The following OSBPL8 variants were observed in gnomAD, a reference collection of about 807,000 sequenced individuals.
OSBPL8 encodes the protein oxysterol-binding protein-related protein 8.
In OSBPL8, 59 loss-of-function variants were observed where a neutral mutation model predicts 125.5. That is an observed-to-expected ratio of 0.47 (90% CI 0.38 to 0.58). The LOEUF (loss-of-function observed/expected upper bound fraction) is 0.58, where lower values mean the gene tolerates loss of function less well. Ranked by LOEUF, OSBPL8 falls within the 20% of genes least tolerant of loss-of-function variation. The pLI is 0.00. For synonymous variants in OSBPL8, 330 were observed against 338.9 expected (o/e 0.97, Z 0.29); for missense variants, 758 against 1,047.8 (o/e 0.72, Z 3.82).
At chr12:76,507,683 C>T (rs933734671) in intron 1 of OSBPL8, among the ~76,000 whole-genome samples, 10 of 150,946 alleles carry the variant, frequency 6.6e-5, no homozygotes, top group African/African-American at 2.5e-4. Context: ...CTTGGCTGGG[C>T]GTGGTGGTGC....
chr12:76,372,558 A>G (rs1397846861), intron 18 of OSBPL8, among the ~76,000 whole-genome samples: 2 of 151,954 alleles, frequency 1.3e-5, no homozygotes, highest in Non-Finnish European at 2.9e-5. Context: ...AAGGCAATTA[A>G]AAAAAATTTT....
At chr12:76,415,175 G>A (rs769996145) in intron 4 of OSBPL8, among the ~76,000 whole-genome samples, 21 of 152,064 alleles carry the variant, frequency 1.4e-4, no homozygotes, top group Non-Finnish European at 2.1e-4. Context: ...TTCATTTAAC[G>A]GTTGGTAGAA....
At chr12:76,393,710 CAAAAAAAAAAAA>C (rs11423585) in intron 9 of OSBPL8, among the ~76,000 whole-genome samples, 24 of 52,280 alleles carry the variant, frequency 4.6e-4, no homozygotes, top group Non-Finnish European at 5.5e-4. Flanking sequence ...GACTCCGTTT[CAAAAAAAAAAAA>C]AAAAAAAAAA....
At chr12:76,506,833 T>C (rs925854273) in intron 1 of OSBPL8, among the ~76,000 whole-genome samples, 1 of 152,156 alleles carries the variant, frequency 6.6e-6, no homozygotes, top group Non-Finnish European at 1.5e-5. Context: ...ATTTAAATGA[T>C]AATAAATCTG....
intron 1 of OSBPL8, among the ~76,000 whole-genome samples, chr12:76,498,636 A>G (rs553267901): frequency 2.0e-5 from 3 of 151,686 alleles, no homozygotes; most frequent in Non-Finnish European, 4.4e-5. Flanking sequence ...TTTCTTCTCT[A>G]TCAGGTACCA....
chr12:76,387,391 G>A (rs371935220), intron 12 of OSBPL8, among the ~76,000 whole-genome samples: 2 of 152,248 alleles, frequency 1.3e-5, no homozygotes, highest in East Asian at 1.9e-4. Context: ...CTGCTCTTGT[G>A]TGCTATCAAC....
At position 76,539,908 on chromosome 12, in the gene OSBPL8, A is replaced by G. The variant is rs536994890; in HGVS notation, c.-68+19489T>C. On this transcript the variant is annotated intron_variant, in intron 1 of 23. Coordinates refer to ENST00000261183, the MANE Select transcript of OSBPL8 (RefSeq NM_020841.5). ...CATACACATCCCACATCCCCTAAAA[A>G]AGTAGTCTGGATTTTCAGTCAGAAA... Among the ~76,000 whole-genome samples the G allele has an allele frequency of 1.4e-4, 21 of 152,294 alleles. No homozygotes were observed. In the South Asian group the frequency reaches 4.3e-3, roughly 32 times the overall value.
intron 5 of OSBPL8, among the ~76,000 whole-genome samples, chr12:76,409,462 G>C (rs962504087): frequency 2.6e-5 from 4 of 152,012 alleles, no homozygotes; most frequent in African/African-American, 9.7e-5. Context: ...CTGTTCTTTT[G>C]GGTCTTCATT....
intron 3 of OSBPL8, among the ~76,000 whole-genome samples, chr12:76,451,300 T>C (rs1354741092): frequency 2.6e-5 from 4 of 151,918 alleles, no homozygotes; most frequent in Non-Finnish European, 5.9e-5. Flanking sequence ...ATTTATTCTT[T>C]ATATTTACCA....
chr12:76,538,594 T>TA (rs1447022475), intron 1 of OSBPL8, among the ~76,000 whole-genome samples: 5 of 152,182 alleles, frequency 3.3e-5, no homozygotes, highest in Admixed American at 3.3e-4. Flanking sequence ...TCAAAGGCTT[T>TA]ATCATTGTAA....
At chr12:76,358,603 C>A in intron 22 of OSBPL8, 103 bp downstream of exon 22, 1 of 1,034,220 alleles carries the variant, frequency 9.7e-7, no homozygotes, top group Admixed American at 2.0e-5. Context: ...CTGCCCCGAC[C>A]AAAACTCACA....
chr12:76,498,647 T>A (rs548481762), intron 1 of OSBPL8, among the ~76,000 whole-genome samples: 1 of 152,102 alleles, frequency 6.6e-6, no homozygotes, highest in South Asian at 2.1e-4. Context: ...TCAGGTACCA[T>A]CCTTTCTGTG....
chr12:76,433,542 AAAG>A (rs1411634220), intron 4 of OSBPL8, among the ~76,000 whole-genome samples: 1 of 152,176 alleles, frequency 6.6e-6, no homozygotes, highest in African/African-American at 2.4e-5. Context: ...GAAGGAAATG[AAAG>A]AAGACACAGA....
At chr12:76,472,923 C>G (rs956284226) in intron 2 of OSBPL8, among the ~76,000 whole-genome samples, 2 of 152,060 alleles carry the variant, frequency 1.3e-5, no homozygotes, top group Non-Finnish European at 2.9e-5. Flanking sequence ...CTTCTCTAAA[C>G]TCCCCCGGGG....
chr12:76,550,763 A>G (rs528535800), intron 1 of OSBPL8, among the ~76,000 whole-genome samples: 1 of 152,228 alleles, frequency 6.6e-6, no homozygotes, highest in Non-Finnish European at 1.5e-5. Context: ...AAGGTAATAA[A>G]TGGAAAATTC....
chr12:76,533,932 T>C (rs577222969), intron 1 of OSBPL8, among the ~76,000 whole-genome samples: 1 of 152,284 alleles, frequency 6.6e-6, no homozygotes, highest in South Asian at 2.1e-4. Flanking sequence ...CACGATTTAA[T>C]CGGAAAGACC....
At chr12:76,493,064 A>G (rs1449594761) in intron 1 of OSBPL8, among the ~76,000 whole-genome samples, 1 of 152,220 alleles carries the variant, frequency 6.6e-6, no homozygotes. Context: ...CATTTGGAGT[A>G]GAATCTCCAC....
At chr12:76,460,863 G>A (rs1193112930) in intron 2 of OSBPL8, among the ~76,000 whole-genome samples, 21 of 152,142 alleles carry the variant, frequency 1.4e-4, no homozygotes, top group Admixed American at 1.4e-3. Flanking sequence ...TTATTTGTTG[G>A]TCTTAAAGAG....
At chr12:76,379,249 T>C (rs1787208507) in intron 15 of OSBPL8, among the ~76,000 whole-genome samples, 1 of 152,176 alleles carries the variant, frequency 6.6e-6, no homozygotes, top group South Asian at 2.1e-4. Context: ...TGCTTATAAT[T>C]AATCCTATAG....
Sources: gnomAD v4.1 joint callset for allele counts (sites outside exome capture counted in the v4.1 genomes callset) on GRCh38, gnomAD v4.1.1 for gene constraint, MANE v1.5 for transcripts, NCBI Gene and HGNC (gene_info 2026-07-23, HGNC 2026-07-21) for gene names.